AKAP6: variants seen among roughly 807,000 people sequenced by gnomAD.
AKAP6 encodes the protein A-kinase anchoring protein 6, also known as A-kinase anchor protein 6.
AKAP6 carries 58 observed loss-of-function variants against 188.5 expected under a neutral mutation model. The observed-to-expected ratio is 0.31, with a 90% confidence interval of 0.25 to 0.38. The LOEUF (loss-of-function observed/expected upper bound fraction) is 0.38, where lower values mean the gene tolerates loss of function less well. AKAP6 is among the 10% of genes least tolerant of loss of function. The pLI is 1.00. For synonymous variants in AKAP6, 989 were observed against 998.6 expected (o/e 0.99, Z 0.18); for missense variants, 2,710 against 2,740.0 (o/e 0.99, Z 0.24).
At chr14:32,477,756 T>A (rs1879146960) in intron 2 of AKAP6, among the ~76,000 whole-genome samples, 1 of 152,198 alleles carries the variant, frequency 6.6e-6, no homozygotes, top group Non-Finnish European at 1.5e-5. Flanking sequence ...CAATTTAGAA[T>A]GGAGGTTAAG....
At chr14:32,604,240 C>A (rs1435062027) in intron 7 of AKAP6, among the ~76,000 whole-genome samples, 1 of 152,064 alleles carries the variant, frequency 6.6e-6, no homozygotes, top group African/African-American at 2.4e-5. Context: ...CTAAAAGCAG[C>A]TACAAGGAGA....
chr14:32,375,751 A>G (rs908120217), intron 1 of AKAP6, among the ~76,000 whole-genome samples: 4 of 152,208 alleles, frequency 2.6e-5, no homozygotes, highest in African/African-American at 9.6e-5. Context: ...AATCAGGGAA[A>G]GAAAAATAAT....
chr14:32,583,335 A>C (rs1025669504), intron 5 of AKAP6, among the ~76,000 whole-genome samples: 1 of 152,102 alleles, frequency 6.6e-6, no homozygotes, highest in Non-Finnish European at 1.5e-5. Flanking sequence ...CTGCTGTGTG[A>C]TCGTTCCTCC....
rs911800857 is a variant in AKAP6, at chr14:32,835,676, A to G, written c.*5871A>G. Reference sequence around the variant, plus strand: ...TTCCCAACTGCTGAATTTACCAAGGAATTAAGTATTCACCACAAACCCTGG... The same window carrying G: ...TTCCCAACTGCTGAATTTACCAAGGGATTAAGTATTCACCACAAACCCTGG... On this transcript the variant is annotated 3_prime_UTR_variant, in exon 14 of 14. Transcript: ENST00000280979. 2 of 152,218 alleles carry G rather than the reference A, an allele frequency of 1.3e-5. No homozygotes were observed. The highest frequency in any genetic ancestry group is 2.1e-4 in the South Asian group (1 of 4,826). The allele number at this position is 152,218 out of a possible 1,614,324, so 9.4% of individuals were successfully genotyped here.
rs552006855 is a variant in AKAP6, at chr14:32,445,434, G to A, written c.324+11617G>A. Reference sequence around the variant, plus strand: ...GTTGCCCAGGCTGGAGTGCAATGATGCAATCTTGGCTCACTGCAACCTCTG... The same window carrying A: ...GTTGCCCAGGCTGGAGTGCAATGATACAATCTTGGCTCACTGCAACCTCTG... On this transcript the variant is annotated intron_variant, in intron 2 of 13. Coordinates refer to ENST00000280979, the MANE Select transcript of AKAP6 (RefSeq NM_004274.5). Among the ~76,000 whole-genome samples, 5 of 152,116 alleles carry A rather than the reference G, an allele frequency of 3.3e-5. No individual in the cohort carries two copies. The South Asian group carries it at 1.0e-3, about 32-fold the overall frequency.
At chr14:32,772,403 C>T (rs535243385) in intron 11 of AKAP6, among the ~76,000 whole-genome samples, 1 of 152,228 alleles carries the variant, frequency 6.6e-6, no homozygotes, top group South Asian at 2.1e-4. Context: ...AATTTCTAGT[C>T]ATATTTTGCC....
chr14:32,742,224 T>C (rs181964269), intron 11 of AKAP6, among the ~76,000 whole-genome samples: 178 of 152,094 alleles, frequency 1.2e-3, no homozygotes, highest in African/African-American at 4.2e-3. Context: ...ACAATGTTTC[T>C]TTTTTCATTT....
intron 4 of AKAP6, among the ~76,000 whole-genome samples, chr14:32,564,242 A>T (rs1884094159): frequency 6.6e-6 from 1 of 152,228 alleles, no homozygotes; most frequent in East Asian, 1.9e-4. Flanking sequence ...AATATTTTCA[A>T]TCCAAGCTTT....
intron 8 of AKAP6, among the ~76,000 whole-genome samples, chr14:32,692,315 A>G (rs185632755): frequency 1.4e-3 from 216 of 152,322 alleles, no homozygotes; most frequent in Non-Finnish European, 2.5e-3. Context: ...CAGTGAAAAA[A>G]TTCCCATGCT....
At chr14:32,800,357 C>G (rs562914098) in intron 12 of AKAP6, among the ~76,000 whole-genome samples, 2 of 151,418 alleles carry the variant, frequency 1.3e-5, no homozygotes, top group Non-Finnish European at 2.9e-5. Flanking sequence ...AGCTGAGATC[C>G]TACCATTGCA....
chr14:32,835,298 T>A lies in AKAP6; in HGVS notation c.*5493T>A, dbSNP rs2034864487. The A allele has an allele frequency of 1.3e-5, 2 of 152,202 alleles. No homozygotes were observed. The highest frequency in any genetic ancestry group is 6.5e-5 in the Admixed American group (1 of 15,280). The allele number at this position is 152,202 out of a possible 1,614,324, so 9.4% of individuals were successfully genotyped here. A position where few individuals can be genotyped will look rare whatever the true frequency, so the allele number is the denominator to read the frequency against. On this transcript the variant is annotated 3_prime_UTR_variant, in exon 14 of 14. Coordinates refer to ENST00000280979, the MANE Select transcript of AKAP6 (RefSeq NM_004274.5). ...TTTTCTTTTTACTTCCTAGATTTTA[T>A]TGCATTCTCAACTTGTTTCATATTA...
chr14:32,671,435 A>C (rs1889188349), intron 7 of AKAP6, among the ~76,000 whole-genome samples: 1 of 152,160 alleles, frequency 6.6e-6, no homozygotes, highest in Non-Finnish European at 1.5e-5. Flanking sequence ...GAACAGAGAA[A>C]TGGAAAAATG....
chr14:32,797,125 C>G (rs957305555), intron 12 of AKAP6, among the ~76,000 whole-genome samples: 1 of 152,054 alleles, frequency 6.6e-6, no homozygotes, highest in Non-Finnish European at 1.5e-5. Context: ...AATAAAAAAA[C>G]AACAGATGCT....
chr14:32,764,020 A>G (rs1206898703), intron 11 of AKAP6, among the ~76,000 whole-genome samples: 1 of 152,198 alleles, frequency 6.6e-6, no homozygotes, highest in Non-Finnish European at 1.5e-5. Context: ...TAGAGAATAG[A>G]GCTATCAGGA....
chr14:32,416,954 C>T (rs754444375), intron 1 of AKAP6, among the ~76,000 whole-genome samples: 3 of 152,182 alleles, frequency 2.0e-5, no homozygotes, highest in Non-Finnish European at 2.9e-5. Flanking sequence ...GACTCTCATG[C>T]CTCAGCATCT....
intron 4 of AKAP6, among the ~76,000 whole-genome samples, chr14:32,560,929 C>T (rs865893063): frequency 2.0e-5 from 3 of 152,150 alleles, no homozygotes; most frequent in Non-Finnish European, 4.4e-5. Context: ...TCACTTAGTA[C>T]ATCACTTCAT....
At chr14:32,645,207 T>C (rs1887934672) in intron 7 of AKAP6, among the ~76,000 whole-genome samples, 1 of 152,200 alleles carries the variant, frequency 6.6e-6, no homozygotes, top group Non-Finnish European at 1.5e-5. Context: ...AACCCAATAA[T>C]TTTTTGTATA....
intron 4 of AKAP6, among the ~76,000 whole-genome samples, chr14:32,576,912 T>C (rs1245977989): frequency 6.6e-6 from 1 of 152,118 alleles, no homozygotes; most frequent in African/African-American, 2.4e-5. Flanking sequence ...GAGGGAAGCA[T>C]TGACAGTTTC....
At chr14:32,692,980 A>G (rs566358270) in intron 8 of AKAP6, among the ~76,000 whole-genome samples, 2 of 152,128 alleles carry the variant, frequency 1.3e-5, no homozygotes, top group East Asian at 3.9e-4. Flanking sequence ...TTTAGGAAAT[A>G]CTCTCTTGGG....
Sources: allele counts gnomAD v4.1 joint callset (sites outside exome capture counted in the v4.1 genomes callset), GRCh38; gene constraint gnomAD v4.1.1; transcripts MANE v1.5; gene names NCBI Gene and HGNC (gene_info 2026-07-23, HGNC 2026-07-21).